BTBD9: variants seen among roughly 807,000 people sequenced by gnomAD.
The protein encoded by BTBD9 is BTB domain containing 9, also known as BTB/POZ domain-containing protein 9.
Under a neutral mutation model 64.3 loss-of-function variants are expected in BTBD9, and 49 were observed. That is an observed-to-expected ratio of 0.76 (90% CI 0.61 to 0.97). The LOEUF is 0.97. BTBD9 is among the 50% of genes least tolerant of loss of function. BTBD9 has a pLI of 0.00. For synonymous variants in BTBD9, 260 were observed against 274.7 expected, an observed-to-expected ratio of 0.95 and a Z score of 0.53; for missense variants, 598 against 762.1, an observed-to-expected ratio of 0.78 and a Z score of 2.53.
chr6:38,445,750 T>C (rs938461050), intron 6 of BTBD9, among the ~76,000 whole-genome samples: 1 of 152,218 alleles, frequency 6.6e-6, no homozygotes, highest in Non-Finnish European at 1.5e-5. Flanking sequence ...CATCAGATCT[T>C]AAAAATGAGA....
intron 7 of BTBD9, among the ~76,000 whole-genome samples, chr6:38,311,088 G>A (rs944689579): frequency 2.0e-5 from 3 of 152,336 alleles, no homozygotes; most frequent in South Asian, 2.1e-4. Flanking sequence ...TGGGATTACA[G>A]GCGTGGGCCA....
intron 6 of BTBD9, among the ~76,000 whole-genome samples, chr6:38,540,133 T>C (rs942579343): frequency 5.9e-5 from 9 of 152,218 alleles, no homozygotes; most frequent in Non-Finnish European, 1.2e-4. Flanking sequence ...AAAAGTATAC[T>C]AGGGGCACAG....
chr6:38,615,351 C>G (rs1373014855), intron 1 of BTBD9, among the ~76,000 whole-genome samples: 3 of 152,216 alleles, frequency 2.0e-5, no homozygotes, highest in Non-Finnish European at 4.4e-5. Context: ...ATCAGTCACT[C>G]CATTGCTTAA....
chr6:38,571,996 A>AC (rs397836682), intron 6 of BTBD9, among the ~76,000 whole-genome samples: 42 of 151,322 alleles, frequency 2.8e-4, no homozygotes, highest in African/African-American at 4.9e-4. Context: ...ACACACACAC[A>AC]AAACCAAAAA....
chr6:38,310,088 A>ATTTTTT (rs1433547217), intron 7 of BTBD9, among the ~76,000 whole-genome samples: 1 of 152,196 alleles, frequency 6.6e-6, no homozygotes, highest in African/African-American at 2.4e-5. Context: ...GAAGGAAAGA[A>ATTTTTT]TCTCCGCAGA....
chr6:38,451,579 G>T (rs769620631), intron 6 of BTBD9, among the ~76,000 whole-genome samples: 14 of 152,166 alleles, frequency 9.2e-5, no homozygotes, highest in African/African-American at 3.1e-4. Flanking sequence ...TGTTGCAGAA[G>T]AGAGGCAAAA....
intron 7 of BTBD9, among the ~76,000 whole-genome samples, chr6:38,300,986 G>T (rs1762374238): frequency 1.3e-5 from 2 of 152,174 alleles, no homozygotes; most frequent in Non-Finnish European, 2.9e-5. Flanking sequence ...GTATGATATT[G>T]GCTGTGGGTT....
chr6:38,182,664 C>T (rs1352230914), intron 10 of BTBD9, among the ~76,000 whole-genome samples: 2 of 152,162 alleles, frequency 1.3e-5, no homozygotes, highest in East Asian at 1.9e-4. Context: ...GCTCCAGCTG[C>T]GTCGAGGCTT....
intron 6 of BTBD9, among the ~76,000 whole-genome samples, chr6:38,461,933 A>G (rs1770104687): frequency 6.6e-6 from 1 of 152,170 alleles, no homozygotes; most frequent in Admixed American, 6.5e-5. Flanking sequence ...ATGGCATTGA[A>G]TATCTTTTCA....
chr6:38,349,349 T>C (rs1764411749), intron 6 of BTBD9, among the ~76,000 whole-genome samples: 1 of 152,190 alleles, frequency 6.6e-6, no homozygotes, highest in African/African-American at 2.4e-5. Flanking sequence ...GATTATAGGA[T>C]GCAGAATTTC....
At chr6:38,296,886 T>C (rs1008160323) in intron 7 of BTBD9, among the ~76,000 whole-genome samples, 2 of 152,234 alleles carry the variant, frequency 1.3e-5, no homozygotes, top group African/African-American at 4.8e-5. Context: ...TGTGACTTCG[T>C]AAAATCTTAG....
chr6:38,185,167 C>T (rs562389450), intron 10 of BTBD9, among the ~76,000 whole-genome samples: 2 of 152,270 alleles, frequency 1.3e-5, no homozygotes, highest in South Asian at 4.1e-4. Context: ...CAGGACTCAC[C>T]CTCCTCCTTC....
intron 4 of BTBD9, among the ~76,000 whole-genome samples, chr6:38,589,044 G>A (rs1776676160): frequency 6.6e-6 from 1 of 152,036 alleles, no homozygotes; most frequent in African/African-American, 2.4e-5. Context: ...TTAAAAGTCA[G>A]GAAAAACAGA....
intron 7 of BTBD9, among the ~76,000 whole-genome samples, chr6:38,299,418 T>C (rs577914640): frequency 6.6e-6 from 1 of 152,368 alleles, no homozygotes; most frequent in African/African-American, 2.4e-5. Flanking sequence ...TCTAGATCCC[T>C]GAGGAATCGC....
rs869155666 is a variant in BTBD9 at position 38,171,846 on chromosome 6, C to CAA, written c.*3137_*3138dup. 84 of 79,108 alleles carry CAA rather than the reference C, an allele frequency of 1.1e-3. No homozygotes were observed. Among genetic ancestry groups the CAA allele is most frequent in the Admixed American group, 1.8e-3 (11 of 5,996 alleles). The allele number at this position is 79,108 out of a possible 1,614,324, so 4.9% of individuals were successfully genotyped here. On this transcript the variant is annotated 3_prime_UTR_variant, in exon 11 of 11. Transcript: ENST00000481247. ...TCCAATGAAGTTGCCTTTCTACTCT[C>CAA]AAAAAAAAAAAAAAAAAAAAAAAAA...
intron 10 of BTBD9, among the ~76,000 whole-genome samples, chr6:38,177,350 G>A (rs977859539): frequency 1.8e-4 from 28 of 152,036 alleles, no homozygotes; most frequent in African/African-American, 4.6e-4. Flanking sequence ...TTCCCCCACC[G>A]GCCCCGCAAG....
intron 6 of BTBD9, among the ~76,000 whole-genome samples, chr6:38,541,250 A>G (rs1237111427): frequency 6.6e-6 from 1 of 152,262 alleles, no homozygotes; most frequent in Non-Finnish European, 1.5e-5. Context: ...TATTACTGAC[A>G]ATAGACAATA....
intron 1 of BTBD9, among the ~76,000 whole-genome samples, chr6:38,637,005 G>T (rs1183751331): frequency 6.6e-6 from 1 of 152,102 alleles, no homozygotes; most frequent in Non-Finnish European, 1.5e-5. Flanking sequence ...CAGCAACTTT[G>T]CTTATGCTGG....
At chr6:38,199,956 G>A (rs1276844655) in intron 9 of BTBD9, among the ~76,000 whole-genome samples, 6 of 152,224 alleles carry the variant, frequency 3.9e-5, no homozygotes, top group African/African-American at 1.4e-4. Flanking sequence ...TGGGGTGGAG[G>A]CACAAACAAA....
Sources: gnomAD v4.1 joint callset for allele counts (sites outside exome capture counted in the v4.1 genomes callset) on GRCh38, gnomAD v4.1.1 for gene constraint, MANE v1.5 for transcripts, NCBI Gene and HGNC (gene_info 2026-07-23, HGNC 2026-07-21) for gene names.